The following PRKCE variants were observed in gnomAD, a reference collection of about 807,000 sequenced individuals.
The protein encoded by PRKCE is protein kinase C epsilon type.
PRKCE carries 16 observed loss-of-function variants against 85.4 expected under a neutral mutation model. That is an observed-to-expected ratio of 0.19 (90% CI 0.13 to 0.28). The LOEUF is 0.28. Among genes scored for constraint, PRKCE ranks in the 10% least tolerant of loss-of-function variants. The probability of loss-of-function intolerance (pLI) is 1.00; values close to 1 mark genes in which losing one functional copy is unlikely to be tolerated. For missense variants in PRKCE, 573 were observed against 975.2 expected (o/e 0.59, Z 5.49); for synonymous variants, 388 against 371.5 (o/e 1.04, Z -0.51).
At chr2:45,982,685 C>T (rs930646789) in intron 5 of PRKCE, among the ~76,000 whole-genome samples, 3 of 152,156 alleles carry the variant, frequency 2.0e-5, no homozygotes, top group Non-Finnish European at 2.9e-5. Flanking sequence ...GCACACATGC[C>T]GTCTTTGTGT....
intron 1 of PRKCE, among the ~76,000 whole-genome samples, chr2:45,690,694 G>A (rs1024646592): frequency 6.6e-6 from 1 of 152,204 alleles, no homozygotes; most frequent in Admixed American, 6.5e-5. Flanking sequence ...TGTGGGAGCT[G>A]GAAGAAAGGG....
chr2:45,987,415 G>C (rs1378049022), intron 6 of PRKCE, among the ~76,000 whole-genome samples: 1 of 152,112 alleles, frequency 6.6e-6, no homozygotes, highest in Non-Finnish European at 1.5e-5. Context: ...TTATTACTTG[G>C]CCTTTTTTTC....
chr2:45,780,083 A>G (rs963373854), intron 1 of PRKCE, among the ~76,000 whole-genome samples: 7 of 152,232 alleles, frequency 4.6e-5, no homozygotes, highest in Admixed American at 2.6e-4. Flanking sequence ...TTTAAAACAT[A>G]TATAACCACA....
At chr2:45,917,226 A>G (rs1697865077) in intron 2 of PRKCE, among the ~76,000 whole-genome samples, 1 of 152,096 alleles carries the variant, frequency 6.6e-6, no homozygotes, top group African/African-American at 2.4e-5. Flanking sequence ...TTAGCTAGAT[A>G]CAGAGTGTCC....
chr2:46,059,714 G>T (rs1268519645), intron 10 of PRKCE, among the ~76,000 whole-genome samples: 2 of 151,864 alleles, frequency 1.3e-5, no homozygotes, highest in Non-Finnish European at 2.9e-5. Context: ...GGCTGAGGGG[G>T]ATCACCTGAG....
chr2:45,810,905 T>C (rs1475778105), intron 1 of PRKCE, among the ~76,000 whole-genome samples: 1 of 152,170 alleles, frequency 6.6e-6, no homozygotes, highest in African/African-American at 2.4e-5. Context: ...CACAGAAGTG[T>C]CCTCTAGACT....
chr2:45,754,962 C>G (rs941875222), intron 1 of PRKCE, among the ~76,000 whole-genome samples: 5 of 152,200 alleles, frequency 3.3e-5, no homozygotes, highest in African/African-American at 1.2e-4. Flanking sequence ...CTTTCTACCT[C>G]TGGTTCGAGG....
At chr2:46,035,684 T>C (rs1300316803) in intron 10 of PRKCE, among the ~76,000 whole-genome samples, 1 of 152,228 alleles carries the variant, frequency 6.6e-6, no homozygotes, top group African/African-American at 2.4e-5. Context: ...GTAAGGTAAA[T>C]ATAAATTACT....
Position 45,956,640 on chromosome 2 carries a change from G to A in PRKCE, c.413-19789G>A, listed in dbSNP as rs147924926. On this transcript the variant is annotated intron_variant, in intron 2 of 14. Coordinates refer to ENST00000306156, the MANE Select transcript of PRKCE (RefSeq NM_005400.3). ...GCGGAGGTTGCAGTGAGCCAAGGTC[G>A]CACCACTACACTCCAGCCTGGGCAA... 4.1e-3 allele frequency among the ~76,000 whole-genome samples: 629 copies of A among 152,110 alleles called. 2 individuals are homozygous for A. The highest frequency in any genetic ancestry group is 0.014 in the African/African-American group (601 of 41,498).
intron 2 of PRKCE, among the ~76,000 whole-genome samples, chr2:45,919,073 G>A (rs1698054417): frequency 6.6e-6 from 1 of 152,202 alleles, no homozygotes; most frequent in Non-Finnish European, 1.5e-5. Context: ...TGGATAAGCT[G>A]CATGTAAATC....
rs572172133 is a variant in PRKCE at position 45,810,493 on chromosome 2, A to C, written c.349-32507A>C. The stretch of plus-strand genomic sequence containing the variant: ...AAGGACTAAATATATATACACATAG[A>C]TGCCACCAAGAATGCTGAGGTGAGC... On this transcript the variant is annotated intron_variant, in intron 1 of 14. Coordinates refer to ENST00000306156, the MANE Select transcript of PRKCE (RefSeq NM_005400.3). 5.9e-5 allele frequency among the ~76,000 whole-genome samples: 9 copies of C among 152,356 alleles called. No homozygotes were observed. In the East Asian group the frequency reaches 1.7e-3, roughly 29 times the overall value.
chr2:45,773,260 C>T (rs557568640), intron 1 of PRKCE, among the ~76,000 whole-genome samples: 1 of 152,142 alleles, frequency 6.6e-6, no homozygotes, highest in Non-Finnish European at 1.5e-5. Context: ...GAGGGTGAGG[C>T]CTTTTGGGAG....
intron 14 of PRKCE, among the ~76,000 whole-genome samples, chr2:46,168,940 A>G (rs751072940): frequency 6.6e-6 from 1 of 152,152 alleles, no homozygotes; most frequent in Non-Finnish European, 1.5e-5. Flanking sequence ...GGACTAAAGG[A>G]TGGTCTGGCT....
At chr2:45,708,125 G>T (rs372068987) in intron 1 of PRKCE, among the ~76,000 whole-genome samples, 66 of 152,250 alleles carry the variant, frequency 4.3e-4, no homozygotes, top group African/African-American at 1.5e-3. Flanking sequence ...TCCTCCCTAC[G>T]CATCATAGGT....
intron 10 of PRKCE, among the ~76,000 whole-genome samples, chr2:46,079,835 T>C (rs1332628995): frequency 2.0e-5 from 3 of 152,212 alleles, no homozygotes; most frequent in African/African-American, 7.2e-5. Context: ...AGATTAACGC[T>C]CTGGGAAAAT....
intron 2 of PRKCE, among the ~76,000 whole-genome samples, chr2:45,910,844 G>A (rs114289080): frequency 0.012 from 1,787 of 152,286 alleles, 15 homozygotes; most frequent in African/African-American, 0.013. Flanking sequence ...GGATGTGCTG[G>A]ACAGAGTCCC....
chr2:45,826,874 A>T (rs4953266), intron 1 of PRKCE, among the ~76,000 whole-genome samples: 2 of 151,952 alleles, frequency 1.3e-5, no homozygotes, highest in Admixed American at 1.3e-4. Context: ...ACCAATTCCC[A>T]TCACCTCCAC....
At chr2:45,683,527 G>T (rs1487638226) in intron 1 of PRKCE, among the ~76,000 whole-genome samples, 2 of 152,190 alleles carry the variant, frequency 1.3e-5, no homozygotes. Flanking sequence ...GCTTAGGACA[G>T]CAGGGAGAGG....
At chr2:45,930,030 A>G (rs1432439354) in intron 2 of PRKCE, among the ~76,000 whole-genome samples, 1 of 152,250 alleles carries the variant, frequency 6.6e-6, no homozygotes, top group African/African-American at 2.4e-5. Context: ...CAAAGGTCGT[A>G]TATCATGGTT....
Sources: allele counts gnomAD v4.1 joint callset (sites outside exome capture counted in the v4.1 genomes callset), GRCh38; gene constraint gnomAD v4.1.1; transcripts MANE v1.5; gene names NCBI Gene and HGNC (gene_info 2026-07-23, HGNC 2026-07-21).